NDST3: variants seen among roughly 807,000 people sequenced by gnomAD.
NDST3 encodes the protein bifunctional heparan sulfate N-deacetylase/N-sulfotransferase 3.
NDST3 carries 58 observed loss-of-function variants against 96.1 expected under a neutral mutation model. The observed-to-expected ratio is 0.60, with a 90% confidence interval of 0.49 to 0.75. The LOEUF (loss-of-function observed/expected upper bound fraction) is 0.75. Ranked by LOEUF, NDST3 falls within the 30% of genes least tolerant of loss-of-function variation. The probability of loss-of-function intolerance (pLI) is 0.00; values close to 1 mark genes in which losing one functional copy is unlikely to be tolerated. For missense variants in NDST3, 788 were observed against 1,034.2 expected, an observed-to-expected ratio of 0.76 and a Z score of 3.27; for synonymous variants, 333 against 359.7, an observed-to-expected ratio of 0.93 and a Z score of 0.84.
At chr4:118,059,425 T>C (rs1725717016) in intron 2 of NDST3, among the ~76,000 whole-genome samples, 1 of 152,132 alleles carries the variant, frequency 6.6e-6, no homozygotes, top group Non-Finnish European at 1.5e-5. Context: ...GGCTATATCA[T>C]TATTTTCCTC....
intron 12 of NDST3, among the ~76,000 whole-genome samples, chr4:118,244,699 A>G (rs1201852133): frequency 6.6e-6 from 1 of 151,532 alleles, no homozygotes; most frequent in African/African-American, 2.4e-5. Flanking sequence ...CCATATAGCA[A>G]ATTTCAGCAT....
intron 4 of NDST3, among the ~76,000 whole-genome samples, chr4:118,127,687 T>C (rs1049421282): frequency 1.3e-5 from 2 of 152,100 alleles, no homozygotes; most frequent in Non-Finnish European, 2.9e-5. Flanking sequence ...TCTTCTGTGG[T>C]TCCATATAAA....
chr4:118,044,708 T>C (rs2110431224), intron 1 of NDST3, among the ~76,000 whole-genome samples: 1 of 152,308 alleles, frequency 6.6e-6, no homozygotes, highest in South Asian at 2.1e-4. Flanking sequence ...TTTATATGGC[T>C]CACAGTTCTG....
intron 6 of NDST3, among the ~76,000 whole-genome samples, chr4:118,195,742 G>A (rs929081351): frequency 2.6e-5 from 4 of 152,194 alleles, no homozygotes; most frequent in African/African-American, 9.7e-5. Flanking sequence ...AGTTCTAATA[G>A]TTTTTTGGTG....
At chr4:118,203,021 A>G (rs1002985289) in intron 6 of NDST3, among the ~76,000 whole-genome samples, 1 of 152,162 alleles carries the variant, frequency 6.6e-6, no homozygotes, top group Non-Finnish European at 1.5e-5. Flanking sequence ...TTTTAACATG[A>G]AGGGATGTTG....
chr4:118,138,619 A>T (rs1238227859), intron 5 of NDST3, among the ~76,000 whole-genome samples: 1 of 152,186 alleles, frequency 6.6e-6, no homozygotes, highest in Non-Finnish European at 1.5e-5. Flanking sequence ...AGCCAGTCAA[A>T]CTGTGTTCTT....
chr4:118,129,618 C>T (rs550457714), intron 4 of NDST3, among the ~76,000 whole-genome samples: 3 of 152,106 alleles, frequency 2.0e-5, no homozygotes, highest in Admixed American at 6.5e-5. Flanking sequence ...ATGGTCTATC[C>T]TTGAAAATGA....
chr4:118,216,130 T>C (rs1036329958), intron 6 of NDST3, among the ~76,000 whole-genome samples: 8 of 152,060 alleles, frequency 5.3e-5, no homozygotes, highest in African/African-American at 1.9e-4. Context: ...TGGCCCAAAG[T>C]CTCATATTTG....
intron 3 of NDST3, among the ~76,000 whole-genome samples, chr4:118,113,072 G>T (rs1158573041): frequency 1.3e-5 from 2 of 152,098 alleles, no homozygotes; most frequent in African/African-American, 4.8e-5. Flanking sequence ...GAAAAGAAAG[G>T]GGTATTATAA....
chr4:118,155,315 C>T (rs1734650518), intron 6 of NDST3, among the ~76,000 whole-genome samples: 1 of 152,148 alleles, frequency 6.6e-6, no homozygotes, highest in Non-Finnish European at 1.5e-5. Flanking sequence ...GTGTAGTTTG[C>T]ACATTCACCC....
At chr4:118,160,323 A>G (rs972067094) in intron 6 of NDST3, among the ~76,000 whole-genome samples, 2 of 152,198 alleles carry the variant, frequency 1.3e-5, no homozygotes, top group Admixed American at 6.5e-5. Flanking sequence ...TTGTCCTTCA[A>G]TAATGAAGGA....
intron 6 of NDST3, among the ~76,000 whole-genome samples, chr4:118,195,990 A>G (rs1485905104): frequency 6.6e-6 from 1 of 152,196 alleles, no homozygotes; most frequent in Non-Finnish European, 1.5e-5. Flanking sequence ...GGTCTGTCAC[A>G]TATGGTTTTA....
At position 118,226,870 on chromosome 4, in the gene NDST3, T is replaced by C; in HGVS notation, c.1723-16T>C. The C allele has an allele frequency of 6.3e-7, 1 of 1,583,934 alleles. No individual in the cohort carries two copies. The highest frequency in any genetic ancestry group is 8.6e-7 in the Non-Finnish European group (1 of 1,157,702). On this transcript the variant is annotated splice_polypyrimidine_tract_variant and intron_variant, in intron 7 of 13. Transcript: ENST00000296499. ...TCATGAAAAAAAATACATCTCTATG[T>C]TCTTCTCCCATTTAGAATCCTTGCG... is the stretch of plus-strand genomic sequence containing the variant.
At chr4:118,068,422 C>A (rs1726776450) in intron 2 of NDST3, among the ~76,000 whole-genome samples, 1 of 151,992 alleles carries the variant, frequency 6.6e-6, no homozygotes, top group South Asian at 2.1e-4. Context: ...AGAAATGGTT[C>A]AAGAATTCGT....
chr4:118,057,482 G>A (rs1725522998), intron 2 of NDST3, among the ~76,000 whole-genome samples: 1 of 151,904 alleles, frequency 6.6e-6, no homozygotes, highest in Non-Finnish European at 1.5e-5. Flanking sequence ...GATAAGAGAA[G>A]ATGATCAAAT....
intron 6 of NDST3, among the ~76,000 whole-genome samples, chr4:118,182,901 G>A (rs75676282): frequency 0.012 from 1,821 of 152,242 alleles, 32 homozygotes; most frequent in African/African-American, 0.041. Flanking sequence ...GCCTATGCCT[G>A]TGCTCCTTGC....
Position 118,242,025 on chromosome 4 carries a change from T to C in NDST3, c.2290-15T>C. 6.4e-7 allele frequency: 1 copy of C among 1,554,122 alleles called. No homozygotes were observed. Among genetic ancestry groups the C allele is most frequent in the Non-Finnish European group, 8.8e-7 (1 of 1,132,732 alleles). ...TGTCTTTTTTCAATGTGCATTTTTT[T>C]ATTTGATAATTTAGTTGCTAATTAT... On this transcript the variant is annotated splice_polypyrimidine_tract_variant and intron_variant, in intron 11 of 13. Coordinates refer to ENST00000296499, the MANE Select transcript of NDST3 (RefSeq NM_004784.3).
rs774451400 is a variant in NDST3, at chr4:118,114,992, T to C, written c.1224+32T>C. The C allele has an allele frequency of 3.1e-6, 5 of 1,595,552 alleles. No individual in the cohort carries two copies. In the South Asian group the frequency reaches 3.3e-5, roughly 11 times the overall value. On this transcript the variant is annotated intron_variant, in intron 4 of 13. Transcript: ENST00000296499. The stretch of plus-strand genomic sequence containing the variant: ...AACTCACTTTGTTGCATTGAAGTAG[T>C]GTACACTGATTGGAGAAATGAAAAG...
In NDST3 at chr4:118,204,298, A is replaced by G. The variant is rs1358137186; in HGVS notation, c.1540-20193A>G. 2.7e-5 allele frequency among the ~76,000 whole-genome samples: 4 copies of G among 145,854 alleles called. 1 individual carries two copies. Among genetic ancestry groups the G allele is most frequent in the Admixed American group, 2.0e-4 (3 of 14,746 alleles). ...CTGACACCATCTGTTTAAAAAAAAA[A>G]AAAAGCCTTAGACAAATTAAACTTC... On this transcript the variant is annotated intron_variant, in intron 6 of 13. Transcript: ENST00000296499.
Sources: allele counts gnomAD v4.1 joint callset (sites outside exome capture counted in the v4.1 genomes callset), GRCh38; gene constraint gnomAD v4.1.1; transcripts MANE v1.5; gene names NCBI Gene and HGNC (gene_info 2026-07-23, HGNC 2026-07-21).